FSTL4: variants seen among roughly 807,000 people sequenced by gnomAD.
The protein encoded by FSTL4 is follistatin-related protein 4.
In FSTL4, 28 loss-of-function variants were observed where a neutral mutation model predicts 78.2. That is an observed-to-expected ratio of 0.36 (90% CI 0.27 to 0.49). The LOEUF is 0.49. Among genes scored for constraint, FSTL4 ranks in the 20% least tolerant of loss-of-function variants. The pLI, the probability that FSTL4 is intolerant of heterozygous loss-of-function variation, is 0.98. For missense variants in FSTL4, 922 were observed against 1,084.9 expected (o/e 0.85, Z 2.11); for synonymous variants, 422 against 440.5 (o/e 0.96, Z 0.53).
At chr5:133,691,092 G>A in the FSTL4 span, among the ~76,000 whole-genome samples, 1 of 152,088 alleles carries the variant, frequency 6.6e-6, no homozygotes, top group African/African-American at 2.4e-5. Flanking sequence ...TACCACATCG[G>A]TTTTTCAGGA....
At chr5:133,693,632 A>G in the FSTL4 span, among the ~76,000 whole-genome samples, 1 of 152,222 alleles carries the variant, frequency 6.6e-6, no homozygotes, top group African/African-American at 2.4e-5. Context: ...GCCAGACATT[A>G]TGAGCTGTCT....
At chr5:133,520,576 G>A (rs1758958510) in intron 3 of FSTL4, among the ~76,000 whole-genome samples, 1 of 152,268 alleles carries the variant, frequency 6.6e-6, no homozygotes, top group Non-Finnish European at 1.5e-5. Context: ...TGTGAAATTA[G>A]GGGGCTGGTG....
Position 133,196,775 on chromosome 5 carries a change from C to T in FSTL4, c.*2320G>A, listed in dbSNP as rs1750159531. ...CCCCTGACTCCCCACCCAACCAACT[C>T]TATTGGTTTTCCTGCCAAAAGGCAT... On this transcript the variant is annotated 3_prime_UTR_variant, in exon 16 of 16. Coordinates refer to ENST00000265342, the MANE Select transcript of FSTL4 (RefSeq NM_015082.2). 6.6e-6 allele frequency: 1 copy of T among 152,000 alleles called. No individual in the cohort carries two copies. The highest frequency in any genetic ancestry group is 6.5e-5 in the Admixed American group (1 of 15,272). The allele number at this position is 152,000 out of a possible 1,614,324, so 9.4% of individuals were successfully genotyped here. A position where few individuals can be genotyped will look rare whatever the true frequency, so the allele number is the denominator to read the frequency against.
At chr5:133,286,310 A>G (rs960390800) in intron 6 of FSTL4, among the ~76,000 whole-genome samples, 4 of 152,188 alleles carry the variant, frequency 2.6e-5, no homozygotes, top group Admixed American at 2.6e-4. Context: ...TGTATCAGGC[A>G]CACGGTTAAC....
chr5:133,606,296 T>A (rs1760976310), intron 1 of FSTL4, among the ~76,000 whole-genome samples: 1 of 151,990 alleles, frequency 6.6e-6, no homozygotes, highest in Non-Finnish European at 1.5e-5. Flanking sequence ...AATTTTGTAT[T>A]TTTAATAGAG....
chr5:133,596,256 G>A (rs1190470704), intron 2 of FSTL4, among the ~76,000 whole-genome samples: 2 of 152,146 alleles, frequency 1.3e-5, no homozygotes, highest in African/African-American at 2.4e-5. Context: ...CATGCTTCAG[G>A]GGCCCAGGCC....
chr5:133,770,145 CTTAAG>C, the FSTL4 span, among the ~76,000 whole-genome samples: 1 of 151,920 alleles, frequency 6.6e-6, no homozygotes, highest in Admixed American at 6.6e-5. Flanking sequence ...TTAATGGACA[CTTAAG>C]TTGATTCCAT....
intron 3 of FSTL4, among the ~76,000 whole-genome samples, chr5:133,501,022 C>CT (rs898385314): frequency 6.6e-6 from 1 of 151,986 alleles, no homozygotes; most frequent in Non-Finnish European, 1.5e-5. Context: ...AAGGGAGACT[C>CT]TAAGTGCCGT....
chr5:133,648,725 G>T, the FSTL4 span, among the ~76,000 whole-genome samples: 6 of 152,168 alleles, frequency 3.9e-5, no homozygotes, highest in Non-Finnish European at 8.8e-5. Context: ...TTTTAGAGCA[G>T]TTTTTAGGTT....
intron 8 of FSTL4, 50 bp downstream of exon 8, chr5:133,233,367 C>T (rs1288544400): frequency 3.1e-6 from 5 of 1,606,056 alleles, no homozygotes; most frequent in African/African-American, 2.7e-5. Context: ...ATCTGAGCAG[C>T]AGTTTGGGGA....
chr5:133,503,730 A>T (rs951913245), intron 3 of FSTL4, among the ~76,000 whole-genome samples: 1 of 152,184 alleles, frequency 6.6e-6, no homozygotes, highest in African/African-American at 2.4e-5. Flanking sequence ...TTCCAGCCCA[A>T]CATAGCCAAC....
At chr5:133,447,264 G>A (rs894548265) in intron 3 of FSTL4, among the ~76,000 whole-genome samples, 1 of 152,230 alleles carries the variant, frequency 6.6e-6, no homozygotes, top group African/African-American at 2.4e-5. Flanking sequence ...ATGGCCAAGT[G>A]TCCAGCCCAG....
chr5:133,563,267 G>A (rs1759959204), intron 3 of FSTL4, among the ~76,000 whole-genome samples: 1 of 152,128 alleles, frequency 6.6e-6, no homozygotes, highest in Non-Finnish European at 1.5e-5. Context: ...ATCTAACTTG[G>A]AAACAAAGCA....
At chr5:133,481,467 G>C (rs1292968806) in intron 3 of FSTL4, among the ~76,000 whole-genome samples, 1 of 151,206 alleles carries the variant, frequency 6.6e-6, no homozygotes, top group Admixed American at 6.6e-5. Flanking sequence ...ACTTGAGCCT[G>C]GGAAGCAGAG....
intron 12 of FSTL4, among the ~76,000 whole-genome samples, chr5:133,218,153 C>A (rs1750976958): frequency 6.6e-6 from 1 of 152,170 alleles, no homozygotes; most frequent in African/African-American, 2.4e-5. Context: ...GAAAACCTGG[C>A]AAGTCTGCTG....
intron 5 of FSTL4, among the ~76,000 whole-genome samples, chr5:133,313,863 A>AG (rs1753843625): frequency 6.6e-6 from 1 of 152,188 alleles, no homozygotes; most frequent in Non-Finnish European, 1.5e-5. Context: ...TATAGGACTG[A>AG]CAAGTTCTTC....
intron 12 of FSTL4, among the ~76,000 whole-genome samples, chr5:133,220,282 G>T (rs1030870019): frequency 6.6e-6 from 1 of 152,280 alleles, no homozygotes; most frequent in Non-Finnish European, 1.5e-5. Flanking sequence ...GAGGCCTGGT[G>T]TGGGGGCCAC....
At chr5:133,296,586 G>A (rs1231690818) in intron 6 of FSTL4, among the ~76,000 whole-genome samples, 1 of 152,172 alleles carries the variant, frequency 6.6e-6, no homozygotes, top group Non-Finnish European at 1.5e-5. Flanking sequence ...CCCAGTGACT[G>A]CGTGGCGAGT....
the FSTL4 span, among the ~76,000 whole-genome samples, chr5:133,707,328 C>A: frequency 6.6e-6 from 1 of 152,224 alleles, no homozygotes; most frequent in Non-Finnish European, 1.5e-5. Context: ...GTCTAGGAGG[C>A]TGATGAGGCC....
Sources: allele counts gnomAD v4.1 joint callset (sites outside exome capture counted in the v4.1 genomes callset), GRCh38; gene constraint gnomAD v4.1.1; transcripts MANE v1.5; gene names NCBI Gene and HGNC (gene_info 2026-07-23, HGNC 2026-07-21).